The following RLN2 variants were observed in gnomAD, a reference collection of about 807,000 sequenced individuals.
RLN2 encodes prorelaxin H2.
Under a neutral mutation model 7.3 loss-of-function variants are expected in RLN2, and 10 were observed. The ratio of observed to expected loss-of-function variants is 1.36; its 90% CI spans 0.84 to 2.31. The LOEUF is 2.31. Ranked by LOEUF, RLN2 falls within the 30% of genes most tolerant of loss-of-function variation. The pLI is 0.00. For missense variants in RLN2, 298 were observed against 217.6 expected (o/e 1.37, Z -2.32); for synonymous variants, 103 against 82.3 (o/e 1.25, Z -1.36).
chr9:5,335,815 T>C, the RLN2 span, among the ~76,000 whole-genome samples: 3 of 152,142 alleles, frequency 2.0e-5, no homozygotes, highest in African/African-American at 4.8e-5. Context: ...CTTTACCCCA[T>C]TGGTCCTCTC....
chr9:5,318,500 AG>A, the RLN2 span, among the ~76,000 whole-genome samples: 3 of 152,142 alleles, frequency 2.0e-5, no homozygotes, highest in African/African-American at 7.2e-5. Context: ...TAATTCTAAC[AG>A]TAATTTCTTG....
chr9:5,335,430 C>G, the RLN2 span: 1 of 1,613,716 alleles, frequency 6.2e-7, no homozygotes. Context: ...TTAAATTCTT[C>G]AAAGCTAAGA....
At chr9:5,325,459 G>T in the RLN2 span, among the ~76,000 whole-genome samples, 1 of 151,982 alleles carries the variant, frequency 6.6e-6, no homozygotes, top group Admixed American at 6.6e-5. Context: ...ATACACAATA[G>T]AACAAACAAG....
chr9:5,314,977 G>A, the RLN2 span, among the ~76,000 whole-genome samples: 4 of 151,654 alleles, frequency 2.6e-5, 1 homozygote, highest in African/African-American at 9.7e-5. Flanking sequence ...CAGAGTCAAA[G>A]TCTTTCCCTA....
the RLN2 span, among the ~76,000 whole-genome samples, chr9:5,330,843 A>G: frequency 6.6e-6 from 1 of 151,532 alleles, no homozygotes; most frequent in African/African-American, 2.4e-5. Context: ...AAATAGATAG[A>G]CCACTAGCAA....
the RLN2 span, among the ~76,000 whole-genome samples, chr9:5,333,261 G>C: frequency 1.3e-5 from 2 of 151,870 alleles, no homozygotes; most frequent in African/African-American, 4.8e-5. Context: ...CTGTTCATAG[G>C]TTCCGCCTCA....
rs762330270 is a variant in RLN2, at chr9:5,304,602, A to T, written c.-22T>A. On this transcript the variant is annotated 5_prime_UTR_variant, in exon 1 of 2. Coordinates refer to ENST00000381627, the MANE Select transcript of RLN2 (RefSeq NM_134441.3). ...GCATCCTGGGCCTGGTCTCTCCTGG[A>T]GGTCGGGACGTTGCAGCCTTTCAGG... 6.2e-7 allele frequency: 1 copy of T among 1,611,618 alleles called. No homozygotes were observed. Among genetic ancestry groups the T allele is most frequent in the Non-Finnish European group, 8.5e-7 (1 of 1,178,060 alleles).
upstream of RLN2, among the ~76,000 whole-genome samples, chr9:5,306,213 T>A (rs1287757530): frequency 6.7e-6 from 1 of 150,122 alleles, no homozygotes; most frequent in Admixed American, 6.6e-5. Context: ...GTTCAAGCAA[T>A]TCTCCTGCCT....
chr9:5,311,479 G>T, the RLN2 span: 2 of 667,414 alleles, frequency 3.0e-6, no homozygotes, highest in South Asian at 1.6e-5. Context: ...GATGTTAAAG[G>T]AGATAAAGTC....
chr9:5,334,196 A>G, the RLN2 span, among the ~76,000 whole-genome samples: 2 of 152,028 alleles, frequency 1.3e-5, no homozygotes, highest in African/African-American at 4.8e-5. Context: ...AAAGAAATAA[A>G]GGGTATTCGA....
chr9:5,307,313 TA>T (rs1191543036), upstream of RLN2, among the ~76,000 whole-genome samples: 15 of 148,094 alleles, frequency 1.0e-4, no homozygotes, highest in Non-Finnish European at 1.0e-4. Flanking sequence ...AGATAGATGA[TA>T]GATAGATAGT....
At chr9:5,306,114 T>TTG (rs1298028967), upstream of RLN2, among the ~76,000 whole-genome samples, 1 of 150,046 alleles carries the variant, frequency 6.7e-6, no homozygotes, top group African/African-American at 2.5e-5. Context: ...TTTTTGTTTT[T>TTG]TTTTTTTTTT....
At chr9:5,331,412 C>A in the RLN2 span, among the ~76,000 whole-genome samples, 1 of 151,866 alleles carries the variant, frequency 6.6e-6, no homozygotes, top group African/African-American at 2.4e-5. Context: ...TAGCAAAGAC[C>A]AACCCAAATG....
the RLN2 span, among the ~76,000 whole-genome samples, chr9:5,323,824 T>C: frequency 5.9e-5 from 9 of 151,862 alleles, 1 homozygote; most frequent in Non-Finnish European, 1.3e-4. Context: ...GGTGGATGGA[T>C]TCACTTGAGG....
the RLN2 span, chr9:5,335,236 A>G: frequency 6.6e-7 from 1 of 1,506,704 alleles, no homozygotes; most frequent in Non-Finnish European, 9.0e-7. Context: ...CAAGATGTGC[A>G]CAATTAGCTT....
chr9:5,327,267 C>A, the RLN2 span, among the ~76,000 whole-genome samples: 1 of 152,104 alleles, frequency 6.6e-6, no homozygotes, highest in Non-Finnish European at 1.5e-5. Flanking sequence ...AGGCAGGTCC[C>A]ATGCCCAAGG....
chr9:5,313,830 T>C, the RLN2 span, among the ~76,000 whole-genome samples: 1 of 151,936 alleles, frequency 6.6e-6, no homozygotes, highest in African/African-American at 2.4e-5. Flanking sequence ...TAAGGGAGGA[T>C]GTTAGAATAC....
At chr9:5,324,269 A>C in the RLN2 span, among the ~76,000 whole-genome samples, 1 of 152,046 alleles carries the variant, frequency 6.6e-6, no homozygotes, top group Non-Finnish European at 1.5e-5. Context: ...AGATTTTCCA[A>C]GAGAGGAAAA....
At chr9:5,323,078 C>G in the RLN2 span, among the ~76,000 whole-genome samples, 2 of 151,610 alleles carry the variant, frequency 1.3e-5, no homozygotes. Context: ...AGACTTTTAT[C>G]TGCATAGCAA....
Sources: gnomAD v4.1 joint callset for allele counts (sites outside exome capture counted in the v4.1 genomes callset) on GRCh38, gnomAD v4.1.1 for gene constraint, MANE v1.5 for transcripts, NCBI Gene and HGNC (gene_info 2026-07-23, HGNC 2026-07-21) for gene names.